DCBLD2: variants seen among roughly 807,000 people sequenced by gnomAD.
The protein encoded by DCBLD2 is discoidin, CUB and LCCL domain-containing protein 2.
DCBLD2 carries 54 observed loss-of-function variants against 86.8 expected under a neutral mutation model. The observed-to-expected ratio is 0.62, with a 90% CI of 0.50 to 0.78. The LOEUF is 0.78. Among genes scored for constraint, DCBLD2 ranks in the 30% least tolerant of loss-of-function variants. The pLI, the probability that DCBLD2 is intolerant of heterozygous loss-of-function variation, is 0.00. For missense variants in DCBLD2, 908 were observed against 954.2 expected (o/e 0.95, Z 0.64); for synonymous variants, 354 against 341.3 (o/e 1.04, Z -0.41).
At chr3:98,898,487 C>G (rs903865766) in intron 1 of DCBLD2, among the ~76,000 whole-genome samples, 2 of 151,268 alleles carry the variant, frequency 1.3e-5, no homozygotes, top group African/African-American at 4.9e-5. Flanking sequence ...TGACTATATG[C>G]GAATTACAGA....
chr3:98,864,536 G>A (rs1480770604), intron 2 of DCBLD2, among the ~76,000 whole-genome samples: 1 of 152,202 alleles, frequency 6.6e-6, no homozygotes, highest in African/African-American at 2.4e-5. Context: ...AAAAAAAGAT[G>A]AGTTCATGTC....
In DCBLD2 at chr3:98,812,491, A is replaced by G; in HGVS notation, c.1213-9T>C. 1 of 1,608,766 alleles carries G rather than the reference A, an allele frequency of 6.2e-7. No homozygotes were observed. Reference sequence around the variant, plus strand: ...TTGTTTCCTTGAAATATCTTTAAAAAAACAACAAAAAATTGGTACTTCAAA... The same window carrying G: ...TTGTTTCCTTGAAATATCTTTAAAAGAACAACAAAAAATTGGTACTTCAAA... On this transcript the variant is annotated splice_polypyrimidine_tract_variant and intron_variant, in intron 9 of 15. Transcript: ENST00000326840.
chr3:98,842,298 A>G (rs1942636361), intron 3 of DCBLD2, among the ~76,000 whole-genome samples: 1 of 152,202 alleles, frequency 6.6e-6, no homozygotes, highest in Non-Finnish European at 1.5e-5. Flanking sequence ...ACTCTGTTCA[A>G]GTGCTAAAGG....
chr3:98,860,676 A>G (rs1943024883), intron 2 of DCBLD2, among the ~76,000 whole-genome samples: 1 of 152,226 alleles, frequency 6.6e-6, no homozygotes, highest in Non-Finnish European at 1.5e-5. Context: ...GCAAACGCTG[A>G]CAGATTTTGT....
intron 10 of DCBLD2, 142 bp downstream of exon 10, chr3:98,812,190 T>C (rs890313046): frequency 3.4e-6 from 4 of 1,174,288 alleles, no homozygotes; most frequent in Admixed American, 3.2e-5. Context: ...ACCATTTTTT[T>C]TAACATCCCT....
intron 2 of DCBLD2, among the ~76,000 whole-genome samples, chr3:98,857,425 C>A (rs904216380): frequency 7.2e-5 from 11 of 152,202 alleles, no homozygotes; most frequent in African/African-American, 2.7e-4. Flanking sequence ...TTATCTGGCC[C>A]AACCCACATT....
intron 13 of DCBLD2, among the ~76,000 whole-genome samples, chr3:98,802,857 G>T (rs1470434600): frequency 1.3e-5 from 2 of 152,174 alleles, no homozygotes; most frequent in Non-Finnish European, 2.9e-5. Flanking sequence ...TCAGATGGTT[G>T]TAGATGTGTG....
At chr3:98,880,317 T>C (rs568682142) in intron 2 of DCBLD2, among the ~76,000 whole-genome samples, 49 of 152,354 alleles carry the variant, frequency 3.2e-4, no homozygotes, top group Middle Eastern at 3.4e-3. Context: ...ATTCCTATTA[T>C]AGTTCTGAAG....
chr3:98,807,856 AT>A (rs1941867457), intron 13 of DCBLD2: 2 of 304,802 alleles, frequency 6.6e-6, no homozygotes, highest in African/African-American at 4.3e-5. Flanking sequence ...TAATGTACAT[AT>A]CCCAGTGTAT....
At chr3:98,826,722 G>A (rs1015523920) in intron 3 of DCBLD2, among the ~76,000 whole-genome samples, 4 of 152,150 alleles carry the variant, frequency 2.6e-5, no homozygotes, top group African/African-American at 9.7e-5. Flanking sequence ...TGAATCAATG[G>A]ATGAATAAAA....
At chr3:98,849,399 C>G (rs1182353587) in intron 3 of DCBLD2, 62 bp downstream of exon 3, 1 of 1,603,096 alleles carries the variant, frequency 6.2e-7, no homozygotes, top group Non-Finnish European at 8.5e-7. Context: ...TTAAAAAAAG[C>G]ATTTTATTTT....
At position 98,852,172 on chromosome 3, in the gene DCBLD2, T is replaced by C. The variant is rs532098716; in HGVS notation, c.434-2574A>G. ...AAGAGACTGGTAACTTGTTATTTTC[T>C]TGATTAACTTTTCCAATGTGTGTTT... is the stretch of plus-strand genomic sequence containing the variant. On this transcript the variant is annotated intron_variant, in intron 2 of 15. Coordinates refer to ENST00000326840, the MANE Select transcript of DCBLD2 (RefSeq NM_080927.4). Among the ~76,000 whole-genome samples the C allele has an allele frequency of 5.9e-5, 9 of 152,364 alleles. No individual in the cohort carries two copies. The East Asian group carries it at 1.5e-3, about 26-fold the overall frequency.
chr3:98,877,657 A>T (rs1576199003), intron 2 of DCBLD2, among the ~76,000 whole-genome samples: 2 of 152,316 alleles, frequency 1.3e-5, no homozygotes, highest in Non-Finnish European at 2.9e-5. Flanking sequence ...GTTGATAGGC[A>T]TATGGTAGCT....
intron 15 of DCBLD2, 48 bp downstream of exon 15, chr3:98,800,521 TAGCAAGCCTA>T: frequency 6.5e-7 from 1 of 1,533,494 alleles, no homozygotes; most frequent in Non-Finnish European, 8.8e-7. Context: ...AAGCACTTTA[TAGCAAGCCTA>T]AGCAGTTTCT....
Position 98,801,757 on chromosome 3 carries a change from C to T in DCBLD2, c.1671-108G>A, listed in dbSNP as rs1470190508. ...TATGTGATATTCCCCTTCCTGTGTCCAAGTGTTCTCATTGTTCAATTCCCA... is the reference window on the plus strand; with the variant it reads ...TATGTGATATTCCCCTTCCTGTGTCTAAGTGTTCTCATTGTTCAATTCCCA... On this transcript the variant is annotated intron_variant, in intron 13 of 15. Transcript: ENST00000326840. The T allele has an allele frequency of 7.9e-6, 6 of 754,864 alleles. 1 individual carries two copies. Among genetic ancestry groups the T allele is most frequent in the South Asian group, 7.9e-5 (4 of 50,482 alleles). The allele number at this position is 754,864 out of a possible 1,614,324, so 46.8% of individuals were successfully genotyped here.
In DCBLD2 at chr3:98,901,365, T is replaced by G. The variant is rs1943848810; in HGVS notation, c.-39A>C. The G allele has an allele frequency of 7.8e-7, 1 of 1,285,868 alleles. No individual in the cohort carries two copies. Among genetic ancestry groups the G allele is most frequent in the Non-Finnish European group, 9.8e-7 (1 of 1,023,722 alleles). 79.7% of individuals were successfully genotyped at this position (1,285,868 alleles called of 1,614,324 possible). A position where few individuals can be genotyped will look rare whatever the true frequency, so the allele number is the denominator to read the frequency against. On this transcript the variant is annotated 5_prime_UTR_variant, in exon 1 of 16. Coordinates refer to ENST00000326840, the MANE Select transcript of DCBLD2 (RefSeq NM_080927.4). ...AGTCTGCCTGCATAGTGCGGGTGCC[T>G]CGGCAGCCCCGCGCGCCTCTGGCCG...
intron 2 of DCBLD2, among the ~76,000 whole-genome samples, chr3:98,869,758 T>C (rs1202941487): frequency 6.6e-6 from 1 of 152,256 alleles, no homozygotes; most frequent in Non-Finnish European, 1.5e-5. Context: ...ATCATCAGAA[T>C]AATCTATTTC....
chr3:98,829,237 G>T (rs1942278638), intron 3 of DCBLD2, among the ~76,000 whole-genome samples: 2 of 152,010 alleles, frequency 1.3e-5, no homozygotes, highest in Non-Finnish European at 2.9e-5. Context: ...CTGAGGTTTG[G>T]GGTACAGACC....
Position 98,849,565 on chromosome 3 carries a change from T to C in DCBLD2, c.467A>G (p.His156Arg), listed in dbSNP as rs771411018. ...KYCGLGLQMN[H>R]SIESKGNEIT... is the part of the protein sequence containing the mutation. ...TTCATTGCCTTTTGATTCAATTGAA[T>C]GGTTCATTTGCAACCCCAGACCACA... The change falls in exon 3 of 16, where the codon CAT becomes CGT. Residue 156 changes from histidine to arginine, a missense_variant. Physicochemically the swap from His to Arg is conservative, Grantham distance 29. Around this residue, in one of 3 missense-constraint regions of DCBLD2, gnomAD observed 294 missense variants for 256.0 expected, o/e 1.15. Transcript: ENST00000326840. 22 of 1,613,398 alleles carry C rather than the reference T, an allele frequency of 1.4e-5. No homozygotes were observed. The highest frequency in any genetic ancestry group is 4.0e-5 in the African/African-American group (3 of 74,916).
Sources: gnomAD v4.1 joint callset for allele counts (sites outside exome capture counted in the v4.1 genomes callset) on GRCh38, gnomAD v4.1.1 for gene constraint, gnomAD v4.1.1 regional missense constraint, MANE v1.5 for transcripts, NCBI Gene and HGNC (gene_info 2026-07-23, HGNC 2026-07-21) for gene names.